Variants in CRACDL observed in about 807,000 individuals in gnomAD.
The protein encoded by CRACDL is CRACD-like protein.
A neutral mutation model predicts 70.6 loss-of-function variants in CRACDL; 26 were observed. That is an observed-to-expected ratio of 0.37 (90% confidence interval 0.27 to 0.51). The LOEUF is 0.51. Among genes scored for constraint, CRACDL ranks in the 20% least tolerant of loss-of-function variants. CRACDL has a pLI of 0.94. For synonymous variants in CRACDL, 618 were observed against 615.2 expected (o/e 1.00, Z -0.07); for missense variants, 1,283 against 1,376.9 (o/e 0.93, Z 1.08).
At position 98,823,382 on chromosome 2, in the gene CRACDL, C is replaced by T. The variant is rs1383922729; in HGVS notation, c.891G>A (p.Ala297=). The change falls in exon 7 of 10, where the codon GCG becomes GCA. Residue 297 remains alanine (A), a synonymous_variant. Transcript: ENST00000397899. This position sits in a 1 kb window ranked among gnomAD's most constrained non-coding sequence, Gnocchi z 4.0. The stretch of plus-strand genomic sequence containing the variant: ...GGGCCCCTCCGGGTGGCGGCAAGGG[C>T]GCCGGTGGCCCAGGCTCAGGGCCTC... The part of the protein sequence containing the change: ...PDRGPEPGPP[A]PLPPPGGARA... 2.0e-6 allele frequency: 3 copies of T among 1,537,842 alleles called. No individual in the cohort carries two copies. Among genetic ancestry groups the T allele is most frequent in the Non-Finnish European group, 2.6e-6 (3 of 1,149,652 alleles).
intron 1 of CRACDL, among the ~76,000 whole-genome samples, chr2:98,889,006 T>C (rs992203162): frequency 2.0e-5 from 3 of 151,596 alleles, no homozygotes; most frequent in African/African-American, 7.3e-5. Context: ...TATGCACCTA[T>C]AGTCCCAGCT....
At chr2:98,894,153 T>C (rs544645544) in intron 1 of CRACDL, among the ~76,000 whole-genome samples, 7 of 152,382 alleles carry the variant, frequency 4.6e-5, no homozygotes, top group Non-Finnish European at 1.0e-4. Context: ...GCAATGCTTC[T>C]GCTTAAGCTC....
intron 1 of CRACDL, among the ~76,000 whole-genome samples, chr2:98,881,505 G>A (rs988437079): frequency 1.3e-5 from 2 of 152,228 alleles, no homozygotes; most frequent in African/African-American, 4.8e-5. Context: ...CAGCCCAGCT[G>A]CTGGCAGTGG....
At chr2:98,832,170 T>G (rs745865896) in intron 5 of CRACDL, among the ~76,000 whole-genome samples, 178 bp downstream of exon 5, 19 of 152,118 alleles carry the variant, frequency 1.2e-4, no homozygotes, top group Non-Finnish European at 2.6e-4. Context: ...GACCTGAATT[T>G]CTACTCAAAG....
At chr2:98,889,145 G>A (rs1371892972) in intron 1 of CRACDL, among the ~76,000 whole-genome samples, 2 of 142,390 alleles carry the variant, frequency 1.4e-5, no homozygotes, top group Non-Finnish European at 3.0e-5. Flanking sequence ...GGGGGGGGAA[G>A]AAAAGAAAAG....
chr2:98,825,534 G>A (rs1040677913), intron 6 of CRACDL, among the ~76,000 whole-genome samples: 2 of 152,216 alleles, frequency 1.3e-5, no homozygotes, highest in Non-Finnish European at 2.9e-5. Flanking sequence ...GTTGTGGCTG[G>A]CTATAAACGC....
intron 2 of CRACDL, among the ~76,000 whole-genome samples, chr2:98,842,251 C>T (rs1706061340): frequency 6.6e-6 from 1 of 151,868 alleles, no homozygotes; most frequent in Non-Finnish European, 1.5e-5. Context: ...TTCCTGTGAT[C>T]TATCTTGAGC....
chr2:98,882,612 A>AT (rs1707682444), intron 1 of CRACDL, among the ~76,000 whole-genome samples: 2 of 152,096 alleles, frequency 1.3e-5, no homozygotes, highest in South Asian at 2.1e-4. Context: ...GCTAGCTGTG[A>AT]TTTTCCAGAT....
intron 1 of CRACDL, among the ~76,000 whole-genome samples, chr2:98,889,700 C>G (rs183092013): frequency 6.6e-6 from 1 of 152,162 alleles, no homozygotes; most frequent in African/African-American, 2.4e-5. Flanking sequence ...CCAGTAATAG[C>G]AGAATTCACA....
intron 1 of CRACDL, among the ~76,000 whole-genome samples, chr2:98,871,474 G>A (rs1707343681): frequency 6.6e-6 from 1 of 152,214 alleles, no homozygotes; most frequent in Admixed American, 6.5e-5. Context: ...GAGGCAGTCA[G>A]TGGAATGTCC....
At chr2:98,924,601 A>G (rs1708871707) in intron 1 of CRACDL, among the ~76,000 whole-genome samples, 1 of 152,218 alleles carries the variant, frequency 6.6e-6, no homozygotes, top group African/African-American at 2.4e-5. Context: ...CTTAACAGCC[A>G]GGGCTAATTA....
intron 2 of CRACDL, among the ~76,000 whole-genome samples, chr2:98,844,943 A>G (rs1706187979): frequency 6.6e-6 from 1 of 152,196 alleles, no homozygotes; most frequent in Admixed American, 6.5e-5. Context: ...AATCTACAAA[A>G]GGGTTGGTTT....
In CRACDL at chr2:98,848,897, T is replaced by C. The variant is rs183248746; in HGVS notation, c.-10-2087A>G. On this transcript the variant is annotated intron_variant, in intron 1 of 9. Transcript: ENST00000397899. ...AGCCACTGCACCCAGCAGAGAACAT[T>C]TCTGATATTAAGCGGTTTATTAACT... Among the ~76,000 whole-genome samples, 457 of 152,308 alleles carry C rather than the reference T, an allele frequency of 3.0e-3. 3 individuals are homozygous for C. The highest frequency in any genetic ancestry group is 6.9e-3 in the Admixed American group (105 of 15,312).
chr2:98,862,045 T>G (rs1706958802), intron 1 of CRACDL, among the ~76,000 whole-genome samples: 1 of 152,136 alleles, frequency 6.6e-6, no homozygotes, highest in South Asian at 2.1e-4. Context: ...CCCTGCAGAT[T>G]TAATGGGCTG....
At position 98,823,213 on chromosome 2, in the gene CRACDL, G is replaced by A. The variant is rs1705164990; in HGVS notation, c.1060C>T (p.Pro354Ser). The change falls in exon 7 of 10, where the codon CCC becomes TCC. Residue 354 changes from proline (P) to serine (S), a missense_variant. By Grantham distance (74) the Pro-to-Ser change is moderately conservative (BLOSUM62 -1). Coordinates refer to ENST00000397899, the MANE Select transcript of CRACDL (RefSeq NM_207362.3). The surrounding 1 kb of genome is among the most constrained non-coding windows in gnomAD (Gnocchi z 4.0). ...GGGGGGCCCTCCGGCGGGGACGGGG[G>A]CTCCACGCGGAGAGTGGGGGCCGAC... is the stretch of plus-strand genomic sequence containing the variant. ...PESAPTLRVE[P>S]PSPPEGPPNP... 4 of 1,421,682 alleles carry A rather than the reference G, an allele frequency of 2.8e-6. No individual in the cohort carries two copies. The South Asian group carries it at 5.8e-5, about 21-fold the overall frequency. 88.1% of individuals were successfully genotyped at this position (1,421,682 alleles called of 1,614,324 possible).
intron 1 of CRACDL, among the ~76,000 whole-genome samples, chr2:98,916,885 T>C (rs995819926): frequency 3.9e-5 from 6 of 152,184 alleles, no homozygotes; most frequent in Admixed American, 6.5e-5. Flanking sequence ...TGTCCTTCGG[T>C]ATACTTCACC....
At position 98,822,492 on chromosome 2, in the gene CRACDL, G is replaced by A; in HGVS notation, c.1781C>T (p.Ala594Val). ...RPGVSRPLERASGRLPLARSG... is the reference protein window; with the variant it reads ...RPGVSRPLERVSGRLPLARSG... ...CCTCGCGAGGGGCAGGCGGCCGCTG[G>A]CCCGTTCCAGCGGGCGGGAGACGCC... Residue 594 changes from alanine to valine, a missense_variant, in exon 7 of 10, where the codon GCC (alanine) becomes GTC (valine). This residue lies in a region of CRACDL where 921 missense variants were observed against 881.9 expected (regional missense o/e 1.04). Transcript: ENST00000397899. The surrounding 1 kb of genome is among the most constrained non-coding windows in gnomAD (Gnocchi z 4.9). 1 of 1,462,090 alleles carries A rather than the reference G, an allele frequency of 6.8e-7. No homozygotes were observed. The highest frequency in any genetic ancestry group is 9.0e-7 in the Non-Finnish European group (1 of 1,115,934). The allele number at this position is 1,462,090 out of a possible 1,614,324, so 90.6% of individuals were successfully genotyped here.
chr2:98,816,809 T>C (rs1344355726), intron 7 of CRACDL, among the ~76,000 whole-genome samples: 2 of 152,178 alleles, frequency 1.3e-5, no homozygotes, highest in African/African-American at 4.8e-5. Flanking sequence ...GAAATGCCAA[T>C]GTGAGCAAAG....
At chr2:98,901,831 C>T (rs924036254) in intron 1 of CRACDL, among the ~76,000 whole-genome samples, 1 of 152,120 alleles carries the variant, frequency 6.6e-6, no homozygotes, top group East Asian at 1.9e-4. Flanking sequence ...TGAGTATTAA[C>T]AACAGCTTGC....
Sources: gnomAD v4.1 joint callset for allele counts (sites outside exome capture counted in the v4.1 genomes callset) on GRCh38, gnomAD v4.1.1 for gene constraint, gnomAD v4.1.1 regional missense constraint, Gnocchi (gnomAD v3.1) non-coding constraint, MANE v1.5 for transcripts, NCBI Gene and HGNC (gene_info 2026-07-23, HGNC 2026-07-21) for gene names.